PCDHA5: variants seen among roughly 807,000 people sequenced by gnomAD.
The protein encoded by PCDHA5 is protocadherin alpha-5.
PCDHA5 carries 43 observed loss-of-function variants against 61.6 expected under a neutral mutation model. The ratio of observed to expected loss-of-function variants is 0.70; its 90% CI spans 0.55 to 0.90. The LOEUF (loss-of-function observed/expected upper bound fraction) is 0.90. PCDHA5 is among the 40% of genes least tolerant of loss of function. The pLI is 0.00. For synonymous variants in PCDHA5, 627 were observed against 543.9 expected (o/e 1.15, Z -2.13); for missense variants, 1,298 against 1,222.7 (o/e 1.06, Z -0.92).
chr5:140,847,399 C>T lies in PCDHA5; in HGVS notation c.2352+23272C>T, dbSNP rs114287755. On this transcript the variant is annotated intron_variant, in intron 1 of 3. Coordinates refer to ENST00000529859, the MANE Select transcript of PCDHA5 (RefSeq NM_018908.3). Reference sequence around the variant, plus strand: ...TAAATATGCAAAAACATTAATGGCACAATAAACACTCACGGTTTTGCCTTT... The same window carrying T: ...TAAATATGCAAAAACATTAATGGCATAATAAACACTCACGGTTTTGCCTTT... 2.4e-3 allele frequency: 361 copies of T among 149,562 alleles called. 12 individuals are homozygous for T. Among genetic ancestry groups the T allele is most frequent in the African/African-American group, 8.0e-3 (327 of 40,902 alleles). 9.3% of individuals were successfully genotyped at this position (149,562 alleles called of 1,614,324 possible).
At chr5:140,841,506 G>A in intron 1 of PCDHA5, 1 of 1,613,388 alleles carries the variant, frequency 6.2e-7, no homozygotes, top group Non-Finnish European at 8.5e-7. Context: ...CTGGTGCCGC[G>A]CCTGTTCCGG....
intron 1 of PCDHA5, chr5:140,871,328 G>A (rs374687707): frequency 6.2e-7 from 1 of 1,614,128 alleles, no homozygotes; most frequent in Admixed American, 1.7e-5. Flanking sequence ...GTGTGCTCCC[G>A]CGCGGTGGGG....
intron 1 of PCDHA5, among the ~76,000 whole-genome samples, chr5:140,921,151 ATT>A (rs11299094): frequency 0.33 from 49,606 of 151,532 alleles, 8,413 homozygotes; most frequent in East Asian, 0.53. Flanking sequence ...CAGCTAATGC[ATT>A]TTTTTTTTAA....
Position 141,010,515 on chromosome 5 carries a change from CAA to C in PCDHA5, c.*579_*580del, listed in dbSNP as rs1554262971. ...ACCAGACTTTCTAAATCTTACAACTCAAGAGGTGGCAGCCACCCTCTAGGAGA... is the reference window on the plus strand; with the variant it reads ...ACCAGACTTTCTAAATCTTACAACTCGAGGTGGCAGCCACCCTCTAGGAGA... On this transcript the variant is annotated 3_prime_UTR_variant, in exon 4 of 4. Transcript: ENST00000529859. 4.1e-6 allele frequency: 2 copies of C among 483,800 alleles called. No individual in the cohort carries two copies. Among genetic ancestry groups the C allele is most frequent in the African/African-American group, 2.0e-5 (1 of 51,026 alleles). 30.0% of individuals were successfully genotyped at this position (483,800 alleles called of 1,614,324 possible).
At chr5:140,861,707 G>T (rs1181948705) in intron 1 of PCDHA5, 1 of 218,782 alleles carries the variant, frequency 4.6e-6, no homozygotes, top group African/African-American at 2.3e-5. Context: ...TGATGCCGAC[G>T]TCGGGGCCAA....
In PCDHA5 at chr5:140,856,245, C is replaced by T. The variant is rs782062442; in HGVS notation, c.2352+32118C>T. 5.5e-5 allele frequency: 88 copies of T among 1,597,902 alleles called. 5 individuals are homozygous for T. The South Asian group carries it at 8.8e-4, about 16-fold the overall frequency. On this transcript the variant is annotated intron_variant, in intron 1 of 3. Coordinates refer to ENST00000529859, the MANE Select transcript of PCDHA5 (RefSeq NM_018908.3). ...CTGGTGCAGCGCCTGTTCCGGGTGGCGTCCAAAAGACACGGGGACCTTCTG... is the reference window on the plus strand; with the variant it reads ...CTGGTGCAGCGCCTGTTCCGGGTGGTGTCCAAAAGACACGGGGACCTTCTG...
In PCDHA5 at chr5:140,849,860, C is replaced by T. The variant is rs1451585591; in HGVS notation, c.2352+25733C>T. The T allele has an allele frequency of 5.6e-5, 89 of 1,598,432 alleles. 9 individuals carry two copies. Among genetic ancestry groups the T allele is most frequent in the Non-Finnish European group, 7.4e-5 (87 of 1,167,988 alleles). ...ACGTGAACGACAACGCACCAGCGTT[C>T]GCGCAGTCCGAGTACACGGTGTTCG... On this transcript the variant is annotated intron_variant, in intron 1 of 3. Transcript: ENST00000529859.
chr5:140,901,307 T>A (rs544600785), intron 1 of PCDHA5, among the ~76,000 whole-genome samples: 1 of 152,264 alleles, frequency 6.6e-6, no homozygotes, highest in East Asian at 1.9e-4. Context: ...TTCCGGAGAG[T>A]TTCCCCAATG....
At chr5:140,852,885 A>T in intron 1 of PCDHA5, 5 of 778,116 alleles carry the variant, frequency 6.4e-6, no homozygotes, top group Non-Finnish European at 7.9e-6. Context: ...CATAAAACGT[A>T]TTTTTTTTTT....
In PCDHA5 at chr5:140,822,273, A is replaced by G. The variant is rs2150115074; in HGVS notation, c.498A>G (p.Gln166=). 5 of 1,614,260 alleles carry G rather than the reference A, an allele frequency of 3.1e-6. No homozygotes were observed. The East Asian group carries it at 1.1e-4, about 36-fold the overall frequency. The change falls in exon 1 of 4, where the codon CAA becomes CAG. Residue 166 remains glutamine (Q), a synonymous_variant. Coordinates refer to ENST00000529859, the MANE Select transcript of PCDHA5 (RefSeq NM_018908.3). ...ATTTGGATATTGGAGCAAATGCACA[A>G]TTGAGATACAGGTTAAATCCAAACG... ...ASDLDIGANA[Q]LRYRLNPNEY...
chr5:140,901,575 C>T (rs1554189900), intron 1 of PCDHA5, among the ~76,000 whole-genome samples: 1 of 152,030 alleles, frequency 6.6e-6, no homozygotes, highest in African/African-American at 2.4e-5. Context: ...GTTTTTATGC[C>T]AGTGCCATGA....
rs2150478834 is a variant in PCDHA5 at position 140,850,308 on chromosome 5, G to A, written c.2352+26181G>A. 1.9e-6 allele frequency: 3 copies of A among 1,597,160 alleles called. No individual in the cohort carries two copies. In the South Asian group the frequency reaches 3.3e-5, roughly 18 times the overall value. ...AGTGGACGCCGACTCGGGCTACAAC[G>A]CGTGGCTTTCATACGAGCTGCAGCC... On this transcript the variant is annotated intron_variant, in intron 1 of 3. Coordinates refer to ENST00000529859, the MANE Select transcript of PCDHA5 (RefSeq NM_018908.3).
At chr5:140,831,362 A>ATG (rs2150193991) in intron 1 of PCDHA5, 80,403 of 149,344 alleles carry the variant, frequency 0.54, 21,753 homozygotes, top group Middle Eastern at 0.63. Flanking sequence ...ACTATTTTGT[A>ATG]TGTGTGTGTG....
chr5:140,936,846 T>C (rs1385625641), intron 1 of PCDHA5, among the ~76,000 whole-genome samples: 1 of 152,206 alleles, frequency 6.6e-6, no homozygotes, highest in Non-Finnish European at 1.5e-5. Context: ...AATTGTAGAT[T>C]CAGCTTCTCA....
At chr5:140,982,589 T>C in intron 3 of PCDHA5, 26 bp downstream of exon 3, 1 of 1,610,940 alleles carries the variant, frequency 6.2e-7, no homozygotes, top group Non-Finnish European at 8.5e-7. Context: ...CTCTCCATTC[T>C]TTCTTGGTTT....
In PCDHA5 at chr5:140,823,215, C is replaced by G. The variant is rs916835953; in HGVS notation, c.1440C>G (p.Asp480Glu). Residue 480 changes from aspartate to glutamate, a missense_variant, in exon 1 of 4, where the codon GAC (aspartate) becomes GAG (glutamate). Transcript: ENST00000529859. ...GCHIFTVSAR[D>E]ADAQENALVS... ...ACATCTTCACGGTGTCTGCACGGGA[C>G]GCGGACGCGCAGGAGAACGCCCTGG... is the stretch of plus-strand genomic sequence containing the variant. 1.2e-6 allele frequency: 2 copies of G among 1,613,652 alleles called. No individual in the cohort carries two copies. The highest frequency in any genetic ancestry group is 1.1e-5 in the South Asian group (1 of 91,078).
In PCDHA5 at chr5:140,848,617, A is replaced by G; in HGVS notation, c.2352+24490A>G. The G allele has an allele frequency of 4.4e-6, 7 of 1,593,554 alleles. 2 individuals carry two copies. Among genetic ancestry groups the G allele is most frequent in the Non-Finnish European group, 6.0e-6 (7 of 1,163,964 alleles). On this transcript the variant is annotated intron_variant, in intron 1 of 3. Coordinates refer to ENST00000529859, the MANE Select transcript of PCDHA5 (RefSeq NM_018908.3). Reference sequence around the variant, plus strand: ...TACTCCGTCCCGGAGGAAGCCGAACACGGCACCTTCGTGGGCCGCATCGCG... The same window carrying G: ...TACTCCGTCCCGGAGGAAGCCGAACGCGGCACCTTCGTGGGCCGCATCGCG...
chr5:140,825,415 A>T (rs1768562356), intron 1 of PCDHA5: 1 of 146,776 alleles, frequency 6.8e-6, no homozygotes. Flanking sequence ...TATTTTATAT[A>T]ATATATATAA....
At chr5:140,858,305 C>G (rs782690239) in intron 1 of PCDHA5, 1 of 1,597,172 alleles carries the variant, frequency 6.3e-7, no homozygotes, top group South Asian at 1.1e-5. Flanking sequence ...GCAGCAGAGG[C>G]GGCAGAGGGT....
Sources: allele counts gnomAD v4.1 joint callset (sites outside exome capture counted in the v4.1 genomes callset), GRCh38; gene constraint gnomAD v4.1.1; transcripts MANE v1.5; gene names NCBI Gene and HGNC (gene_info 2026-07-23, HGNC 2026-07-21).